Variants in ZFHX3 observed in about 807,000 individuals in gnomAD.
The protein encoded by ZFHX3 is zinc finger homeobox 3.
A neutral mutation model predicts 279.1 loss-of-function variants in ZFHX3; 42 were observed. The ratio of observed to expected loss-of-function variants is 0.15; its 90% CI spans 0.12 to 0.19. The LOEUF (loss-of-function observed/expected upper bound fraction) is 0.19. Ranked by LOEUF, ZFHX3 falls within the 10% of genes least tolerant of loss-of-function variation. The probability of loss-of-function intolerance (pLI) is 1.00; values close to 1 mark genes in which losing one functional copy is unlikely to be tolerated. For synonymous variants in ZFHX3, 2,293 were observed against 1,957.8 expected, an observed-to-expected ratio of 1.17 and a Z score of -4.52; for missense variants, 4,981 against 4,754.0, an observed-to-expected ratio of 1.05 and a Z score of -1.40.
Position 73,455,014 on chromosome 16 carries a change from T to A in ZFHX3, c.-1291+989A>T, listed in dbSNP as rs75065888. 1.4e-3 allele frequency among the ~76,000 whole-genome samples: 206 copies of A among 152,306 alleles called. No individual in the cohort carries two copies. The East Asian group carries it at 0.038, about 28-fold the overall frequency. ...TTTATGCCAAGAACATGCTACTTAT[T>A]TTTCACACGATTTACAAATGGAAGC... On this transcript the variant is annotated intron_variant, in intron 3 of 17. Transcript: ENST00000641206.
At chr16:73,726,916 C>G (rs2053523639) in intron 1 of ZFHX3, among the ~76,000 whole-genome samples, 1 of 152,210 alleles carries the variant, frequency 6.6e-6, no homozygotes, top group Admixed American at 6.5e-5. Context: ...CAGTAGCACA[C>G]TAGCACGTTG....
intron 3 of ZFHX3, among the ~76,000 whole-genome samples, chr16:72,908,754 C>T (rs187410642): frequency 1.4e-4 from 21 of 152,256 alleles, no homozygotes; most frequent in East Asian, 5.8e-4. Context: ...AAAATCAGCA[C>T]GGCGATACGA....
chr16:72,983,703 T>C (rs1167070974), intron 1 of ZFHX3, among the ~76,000 whole-genome samples: 1 of 149,028 alleles, frequency 6.7e-6, no homozygotes. Context: ...CAAGATCTTG[T>C]CTCAGAAAAA....
At chr16:73,689,154 T>A (rs2053121514) in intron 1 of ZFHX3, among the ~76,000 whole-genome samples, 1 of 152,240 alleles carries the variant, frequency 6.6e-6, no homozygotes, top group Admixed American at 6.5e-5. Context: ...TGATTGAACT[T>A]AAATTCTCTT....
Position 72,958,316 on chromosome 16 carries a change from C to G in ZFHX3, c.1830G>C (p.Glu610Asp), listed in dbSNP as rs765466735. Residue 610 changes from glutamate to aspartate, a missense_variant, in exon 2 of 10, where the codon GAG becomes GAC. Glu to Asp is a conservative substitution (Grantham distance 45). Transcript: ENST00000268489. ...ATAPEPNEST[E>D]GDDGGFVPHH... ...GGGGAACGAAGCCCCCATCGTCACC[C>G]TCTGTGCTTTCATTTGGTTCTGGTG... 2 of 1,614,102 alleles carry G rather than the reference C, an allele frequency of 1.2e-6. No individual in the cohort carries two copies. Among genetic ancestry groups the G allele is most frequent in the East Asian group, 4.5e-5 (2 of 44,864 alleles).
In ZFHX3 at chr16:73,355,825, C is replaced by T. The variant is rs139860408; in HGVS notation, c.-1290-37489G>A. On this transcript the variant is annotated intron_variant, in intron 3 of 17. Coordinates refer to the ZFHX3 transcript ENST00000641206. Reference sequence around the variant, plus strand: ...GCTGATCTGTTCCAACAGAGCGCGACGGTACCAAGCATAGGGCTTGACGCA... The same window carrying T: ...GCTGATCTGTTCCAACAGAGCGCGATGGTACCAAGCATAGGGCTTGACGCA... Among the ~76,000 whole-genome samples, 4 of 152,272 alleles carry T rather than the reference C, an allele frequency of 2.6e-5. No homozygotes were observed. In the East Asian group the frequency reaches 5.8e-4, roughly 22 times the overall value.
chr16:73,082,512 G>A (rs948701865), intron 8 of ZFHX3, among the ~76,000 whole-genome samples: 2 of 151,862 alleles, frequency 1.3e-5, no homozygotes, highest in Non-Finnish European at 1.5e-5. Flanking sequence ...CTCAGGATCC[G>A]CCTGCCTTGG....
At chr16:73,572,182 A>C (rs12918238) in intron 2 of ZFHX3, among the ~76,000 whole-genome samples, 14,001 of 151,716 alleles carry the variant, frequency 0.092, 795 homozygotes, top group Non-Finnish European at 0.13. Context: ...AAAAAAAAAA[A>C]AAAACTTTTT....
At chr16:72,851,474 A>G (rs544049433) in intron 4 of ZFHX3, among the ~76,000 whole-genome samples, 1 of 152,194 alleles carries the variant, frequency 6.6e-6, no homozygotes, top group East Asian at 1.9e-4. Flanking sequence ...TAGAGTTCCT[A>G]CAGTATTAAT....
At chr16:73,764,315 T>C (rs920358762) in intron 1 of ZFHX3, among the ~76,000 whole-genome samples, 1 of 152,152 alleles carries the variant, frequency 6.6e-6, no homozygotes, top group African/African-American at 2.4e-5. Context: ...TGTGATTCAA[T>C]CTCTGGCTCC....
In ZFHX3 at chr16:72,919,777, C is replaced by CTTTTTTTTTTTT. The variant is rs532405250; in HGVS notation, c.3217-29827_3217-29816dup. Among the ~76,000 whole-genome samples the CTTTTTTTTTTTT allele has an allele frequency of 1.2e-3, 49 of 42,292 alleles. 17 individuals are homozygous for CTTTTTTTTTTTT. Among genetic ancestry groups the CTTTTTTTTTTTT allele is most frequent in the Admixed American group, 4.4e-3 (9 of 2,026 alleles). 27.7% of individuals were successfully genotyped at this position (42,292 alleles called of 152,430 possible). On this transcript the variant is annotated intron_variant, in intron 3 of 9. Coordinates refer to ENST00000268489, the MANE Select transcript of ZFHX3 (RefSeq NM_006885.4). ...CAACTAAAACATGTATATGCACCAT[C>CTTTTTTTTTTTT]TTTTTTTTTTTTTTTTTTTTTTTTT...
At chr16:73,367,126 T>C (rs1190691865) in intron 3 of ZFHX3, among the ~76,000 whole-genome samples, 1 of 152,186 alleles carries the variant, frequency 6.6e-6, no homozygotes, top group African/African-American at 2.4e-5. Flanking sequence ...GGAACTCTTC[T>C]GAGGAGTGAA....
chr16:73,564,248 C>G (rs1334254394), intron 2 of ZFHX3, among the ~76,000 whole-genome samples: 2 of 152,188 alleles, frequency 1.3e-5, no homozygotes, highest in Non-Finnish European at 2.9e-5. Flanking sequence ...TCACCATCAT[C>G]CTCGCTCTCT....
intron 3 of ZFHX3, among the ~76,000 whole-genome samples, chr16:73,450,527 G>C (rs544453788): frequency 6.6e-6 from 1 of 151,928 alleles, no homozygotes; most frequent in African/African-American, 2.4e-5. Context: ...TTTCATCTTC[G>C]TGTTTTTCAT....
chr16:72,871,029 G>A (rs544594400), intron 4 of ZFHX3, among the ~76,000 whole-genome samples: 79 of 152,292 alleles, frequency 5.2e-4, no homozygotes, highest in African/African-American at 1.8e-3. Context: ...CCGTCTTTAT[G>A]GAGAGAGTAA....
intron 5 of ZFHX3, among the ~76,000 whole-genome samples, chr16:73,193,683 T>C (rs1048577742): frequency 2.6e-5 from 4 of 152,172 alleles, no homozygotes; most frequent in Non-Finnish European, 5.9e-5. Context: ...CAGTACTGCA[T>C]AGTGGTGAAG....
intron 2 of ZFHX3, among the ~76,000 whole-genome samples, chr16:73,542,881 G>A (rs1883353751): frequency 6.6e-6 from 1 of 152,120 alleles, no homozygotes; most frequent in Non-Finnish European, 1.5e-5. Flanking sequence ...TTGGGAAGGG[G>A]TTAGAGCAAT....
chr16:73,866,911 C>T (rs1962037091), intron 1 of ZFHX3, among the ~76,000 whole-genome samples: 1 of 152,200 alleles, frequency 6.6e-6, no homozygotes, highest in Non-Finnish European at 1.5e-5. Flanking sequence ...CCTCCAAGGG[C>T]TGGAGAAGTG....
At chr16:72,863,984 G>A (rs1444301537) in intron 4 of ZFHX3, among the ~76,000 whole-genome samples, 2 of 152,112 alleles carry the variant, frequency 1.3e-5, no homozygotes, top group Non-Finnish European at 2.9e-5. Flanking sequence ...GGGCGTGGTG[G>A]TGGGTGCCTG....
Sources: allele counts gnomAD v4.1 joint callset (sites outside exome capture counted in the v4.1 genomes callset), GRCh38; gene constraint gnomAD v4.1.1; transcripts MANE v1.5; gene names NCBI Gene and HGNC (gene_info 2026-07-23, HGNC 2026-07-21).